Variants in PTGER3 observed in about 807,000 individuals in gnomAD.
PTGER3 encodes prostaglandin E2 receptor EP3 subtype.
Under a neutral mutation model 34.7 loss-of-function variants are expected in PTGER3, and 22 were observed. The ratio of observed to expected loss-of-function variants is 0.63; its 90% CI spans 0.45 to 0.91. The LOEUF (loss-of-function observed/expected upper bound fraction) is 0.91, where lower values mean the gene tolerates loss of function less well. PTGER3 is among the 40% of genes least tolerant of loss of function. The pLI is 0.00. For missense variants in PTGER3, 468 were observed against 519.4 expected (o/e 0.90, Z 0.96); for synonymous variants, 241 against 230.1 (o/e 1.05, Z -0.43).
At chr1:70,926,577 T>G (rs1041349388) in intron 4 of PTGER3, among the ~76,000 whole-genome samples, 84 of 152,342 alleles carry the variant, frequency 5.5e-4, no homozygotes, top group Middle Eastern at 3.4e-3. Flanking sequence ...AAGGAGATTT[T>G]GGGCTGAGGC....
rs74089179 is a variant in PTGER3 at position 70,953,869 on chromosome 1, T to A, written c.1078-80A>T. 4.0e-3 allele frequency: 2,464 copies of A among 622,690 alleles called. 54 individuals are homozygous for A. In the African/African-American group the frequency reaches 0.04, roughly 10 times the overall value. The allele number at this position is 622,690 out of a possible 1,614,324, so 38.6% of individuals were successfully genotyped here. On this transcript the variant is annotated intron_variant, in intron 2 of 3. Transcript: ENST00000356595. ...TAGAAGGATGCTAAACCACAGATGA[T>A]GTTCAATGAAAATAGCTATTTCTGT...
intron 1 of PTGER3, among the ~76,000 whole-genome samples, chr1:71,031,086 TA>T (rs1336392577): frequency 6.6e-6 from 1 of 152,142 alleles, no homozygotes; most frequent in African/African-American, 2.4e-5. Flanking sequence ...TTGTGAAGAT[TA>T]AATTAGGTAA....
intron 1 of PTGER3, among the ~76,000 whole-genome samples, chr1:71,043,327 C>A (rs756516770): frequency 5.3e-5 from 8 of 152,144 alleles, no homozygotes; most frequent in Non-Finnish European, 7.4e-5. Flanking sequence ...CTTAATTTCA[C>A]ATTTTATATT....
intron 1 of PTGER3, among the ~76,000 whole-genome samples, chr1:71,023,625 T>C (rs1033969379): frequency 1.3e-5 from 2 of 151,900 alleles, no homozygotes; most frequent in Admixed American, 6.6e-5. Context: ...AAAATTCTTA[T>C]CTTTTTCCTC....
chr1:70,974,754 T>C (rs764863606), intron 2 of PTGER3, among the ~76,000 whole-genome samples: 148 of 152,304 alleles, frequency 9.7e-4, no homozygotes, highest in Non-Finnish European at 1.8e-3. Context: ...GGATAAAGAA[T>C]AGAATTCCTA....
intron 4 of PTGER3, among the ~76,000 whole-genome samples, chr1:70,939,104 G>A (rs765844439): frequency 2.6e-5 from 4 of 152,196 alleles, no homozygotes; most frequent in Non-Finnish European, 5.9e-5. Context: ...GATAAATACA[G>A]CCATTCCAAA....
chr1:70,966,612 C>T (rs1440584190), downstream of PTGER3, among the ~76,000 whole-genome samples: 1 of 152,192 alleles, frequency 6.6e-6, no homozygotes, highest in South Asian at 2.1e-4. Flanking sequence ...CCCCGACCCC[C>T]CAACAGGCCC....
chr1:70,855,912 A>C (rs1205502941), intron 4 of PTGER3, among the ~76,000 whole-genome samples: 1 of 152,206 alleles, frequency 6.6e-6, no homozygotes, highest in African/African-American at 2.4e-5. Flanking sequence ...AAGTGGGGTC[A>C]GTTCTGAGAG....
At chr1:71,041,481 T>A (rs557205307) in intron 1 of PTGER3, among the ~76,000 whole-genome samples, 1 of 152,276 alleles carries the variant, frequency 6.6e-6, no homozygotes, top group South Asian at 2.1e-4. Context: ...AAAGCATAGG[T>A]CAGAGACTGT....
chr1:71,032,484 T>G (rs1334022006), intron 1 of PTGER3, among the ~76,000 whole-genome samples: 1 of 152,250 alleles, frequency 6.6e-6, no homozygotes, highest in African/African-American at 2.4e-5. Context: ...ACCTCACATG[T>G]AGACCACAAA....
intron 2 of PTGER3, among the ~76,000 whole-genome samples, chr1:70,980,041 T>C (rs1334885440): frequency 3.3e-5 from 3 of 91,878 alleles, no homozygotes; most frequent in Non-Finnish European, 2.5e-5. Context: ...ATTAAAGTAA[T>C]TGAGGGGAGT....
chr1:70,956,888 G>C (rs1427675786), intron 2 of PTGER3, among the ~76,000 whole-genome samples: 1 of 152,116 alleles, frequency 6.6e-6, no homozygotes, highest in Admixed American at 6.6e-5. Context: ...CCAGCTACTT[G>C]GGAGGTTGAG....
At chr1:71,019,569 C>A (rs1658216585) in intron 1 of PTGER3, among the ~76,000 whole-genome samples, 1 of 152,130 alleles carries the variant, frequency 6.6e-6, no homozygotes, top group Non-Finnish European at 1.5e-5. Flanking sequence ...TTACCTTGTT[C>A]CATCCTAAAG....
intron 4 of PTGER3, among the ~76,000 whole-genome samples, chr1:70,886,024 G>T (rs968321364): frequency 3.2e-4 from 48 of 152,140 alleles, no homozygotes; most frequent in African/African-American, 1.1e-3. Context: ...ATCAGAGATT[G>T]CTAAAGACTG....
chr1:70,940,374 G>C (rs183864365), intron 4 of PTGER3, among the ~76,000 whole-genome samples: 13 of 152,194 alleles, frequency 8.5e-5, no homozygotes, highest in Admixed American at 5.9e-4. Flanking sequence ...TCCAATCTCC[G>C]CCTATTACCT....
exon 4 of PTGER3, chr1:70,952,951 T>G (rs189587400): frequency 6.2e-7 from 1 of 1,613,242 alleles, no homozygotes; most frequent in East Asian, 2.2e-5. Flanking sequence ...ACATTAATGC[T>G]GCTCACGAGT....
intron 4 of PTGER3, among the ~76,000 whole-genome samples, chr1:70,933,546 A>C (rs942474059): frequency 2.6e-5 from 4 of 152,238 alleles, no homozygotes; most frequent in Non-Finnish European, 4.4e-5. Flanking sequence ...TGCAGCACAG[A>C]GATGATCTCA....
intron 1 of PTGER3, among the ~76,000 whole-genome samples, chr1:71,034,978 A>T (rs559150797): frequency 7.6e-4 from 115 of 152,260 alleles, no homozygotes; most frequent in African/African-American, 2.4e-3. Flanking sequence ...AAGAAATTTT[A>T]AAAAAAGTAT....
At chr1:70,930,615 C>A (rs983788386) in intron 4 of PTGER3, among the ~76,000 whole-genome samples, 1 of 152,040 alleles carries the variant, frequency 6.6e-6, no homozygotes, top group African/African-American at 2.4e-5. Context: ...CAATGGGAGG[C>A]AAAAGGCACT....
Sources: allele counts gnomAD v4.1 joint callset (sites outside exome capture counted in the v4.1 genomes callset), GRCh38; gene constraint gnomAD v4.1.1; transcripts MANE v1.5; gene names NCBI Gene and HGNC (gene_info 2026-07-23, HGNC 2026-07-21).